The following UBE2E2 variants were observed in gnomAD, a reference collection of about 807,000 sequenced individuals.
UBE2E2 encodes ubiquitin-conjugating enzyme E2 E2.
Under a neutral mutation model 24.7 loss-of-function variants are expected in UBE2E2, and 6 were observed. That is an observed-to-expected ratio of 0.24 (90% CI 0.13 to 0.48). UBE2E2 has a LOEUF of 0.48. Ranked by LOEUF, UBE2E2 falls within the 20% of genes least tolerant of loss-of-function variation. The probability of loss-of-function intolerance (pLI) is 0.99; values close to 1 mark genes in which losing one functional copy is unlikely to be tolerated. For missense variants in UBE2E2, 169 were observed against 245.0 expected (o/e 0.69, Z 2.07); for synonymous variants, 104 against 83.6 (o/e 1.24, Z -1.33).
intron 3 of UBE2E2, among the ~76,000 whole-genome samples, chr3:23,489,558 A>G (rs910650001): frequency 6.6e-6 from 1 of 152,226 alleles, no homozygotes; most frequent in Non-Finnish European, 1.5e-5. Flanking sequence ...TACTGTTTCC[A>G]TGGTATAAGT....
intron 3 of UBE2E2, among the ~76,000 whole-genome samples, chr3:23,487,788 C>G (rs34171096): frequency 0.06 from 9,145 of 152,204 alleles, 447 homozygotes; most frequent in Non-Finnish European, 0.087. Context: ...GTAATAGATT[C>G]ATGTTTTACA....
intron 2 of UBE2E2, among the ~76,000 whole-genome samples, chr3:23,214,920 TA>T (rs1229326660): frequency 1.3e-5 from 2 of 152,120 alleles, no homozygotes; most frequent in Admixed American, 6.6e-5. Flanking sequence ...CAACTCTTAA[TA>T]ATACACTTAT....
intron 3 of UBE2E2, among the ~76,000 whole-genome samples, chr3:23,427,001 A>G (rs1205392394): frequency 6.6e-6 from 1 of 152,158 alleles, no homozygotes; most frequent in Non-Finnish European, 1.5e-5. Flanking sequence ...AATTAGTATT[A>G]TTTTGTTATT....
chr3:23,247,914 G>T (rs1697457141), intron 3 of UBE2E2, among the ~76,000 whole-genome samples: 2 of 152,154 alleles, frequency 1.3e-5, no homozygotes. Context: ...CAACTCTAAA[G>T]ACTGAGTTAT....
chr3:23,354,045 A>G (rs1695852691), intron 3 of UBE2E2, among the ~76,000 whole-genome samples: 1 of 152,232 alleles, frequency 6.6e-6, no homozygotes, highest in Admixed American at 6.5e-5. Context: ...AGAGATATAG[A>G]TCAGCGGAAC....
chr3:23,499,611 T>G lies in UBE2E2; in HGVS notation c.231T>G (p.Ala77=), dbSNP rs941476989. The change falls in exon 4 of 6, where the codon GCT becomes GCG. Residue 77 remains alanine, a synonymous_variant. Coordinates refer to ENST00000396703, the MANE Select transcript of UBE2E2 (RefSeq NM_152653.4). ...ITLDPPPNCS[A]GPKGDNIYEW... ...TCATTTGTATGTCTTATTTCAGTGC[T>G]GGACCCAAAGGAGACAACATTTATG... 3 of 1,611,812 alleles carry G rather than the reference T, an allele frequency of 1.9e-6. No individual in the cohort carries two copies. Among genetic ancestry groups the G allele is most frequent in the Admixed American group, 3.4e-5 (2 of 59,486 alleles).
intron 3 of UBE2E2, among the ~76,000 whole-genome samples, chr3:23,421,467 C>G (rs934645634): frequency 1.7e-4 from 26 of 152,336 alleles, no homozygotes; most frequent in African/African-American, 6.3e-4. Context: ...ATGGATAGAA[C>G]TGGATCTCAG....
At chr3:23,290,474 C>T (rs1020403815) in intron 3 of UBE2E2, among the ~76,000 whole-genome samples, 4 of 152,028 alleles carry the variant, frequency 2.6e-5, no homozygotes, top group African/African-American at 9.7e-5. Flanking sequence ...GTTTGAGGAC[C>T]TCTCTTTTTT....
At chr3:23,401,996 A>G (rs1232630229) in intron 3 of UBE2E2, among the ~76,000 whole-genome samples, 1 of 151,654 alleles carries the variant, frequency 6.6e-6, no homozygotes, top group Non-Finnish European at 1.5e-5. Flanking sequence ...AGCTGGGATT[A>G]CAGGCGTGCA....
intron 3 of UBE2E2, among the ~76,000 whole-genome samples, chr3:23,347,416 A>G (rs1695591477): frequency 6.6e-6 from 1 of 152,228 alleles, no homozygotes; most frequent in South Asian, 2.1e-4. Flanking sequence ...ACATGGATGA[A>G]GCTGGAAACC....
intron 3 of UBE2E2, among the ~76,000 whole-genome samples, chr3:23,466,059 T>C (rs1171429617): frequency 6.6e-6 from 1 of 152,162 alleles, no homozygotes; most frequent in African/African-American, 2.4e-5. Context: ...ATCCAAAATG[T>C]GGCACATTGT....
chr3:23,505,189 G>A (rs1694417959), intron 4 of UBE2E2, among the ~76,000 whole-genome samples: 1 of 151,192 alleles, frequency 6.6e-6, no homozygotes, highest in Admixed American at 6.6e-5. Flanking sequence ...CCAAAGTGCT[G>A]GAATTACAGG....
chr3:23,433,002 C>T (rs1173247856), intron 3 of UBE2E2, among the ~76,000 whole-genome samples: 2 of 151,838 alleles, frequency 1.3e-5, no homozygotes, highest in Non-Finnish European at 2.9e-5. Flanking sequence ...CTTATGATGC[C>T]ATTAACAGAA....
intron 3 of UBE2E2, among the ~76,000 whole-genome samples, chr3:23,487,715 C>G (rs1346980242): frequency 6.6e-6 from 1 of 152,198 alleles, no homozygotes; most frequent in African/African-American, 2.4e-5. Flanking sequence ...GTAAGTGGGA[C>G]TGCCAGGATT....
intron 3 of UBE2E2, among the ~76,000 whole-genome samples, chr3:23,378,801 G>C (rs1696586798): frequency 6.6e-6 from 1 of 152,014 alleles, no homozygotes; most frequent in South Asian, 2.1e-4. Flanking sequence ...TGAAGTTTTG[G>C]GGACTCTGAA....
At chr3:23,270,829 G>T (rs1264514632) in intron 3 of UBE2E2, 5 of 442,168 alleles carry the variant, frequency 1.1e-5, no homozygotes, top group Non-Finnish European at 2.3e-5. Context: ...TCTCTTAGGT[G>T]TGCAATTGTT....
At position 23,589,983 on chromosome 3, in the gene UBE2E2, TCCCAG is replaced by T; in HGVS notation, c.*153_*157del. ...TGATGGTATGTTGTCCATCTTCCCA[TCCCAG>T]TTCTTCCTGCCCCCCTTCCTCTCTC... On this transcript the variant is annotated 3_prime_UTR_variant, in exon 6 of 6. Transcript: ENST00000396703. This position sits in a 1 kb window ranked among gnomAD's most constrained non-coding sequence, Gnocchi z 4.1. 3.0e-5 allele frequency: 18 copies of T among 596,452 alleles called. No individual in the cohort carries two copies. Among genetic ancestry groups the T allele is most frequent in the South Asian group, 1.4e-4 (5 of 35,618 alleles). The allele number at this position is 596,452 out of a possible 1,614,324, so 36.9% of individuals were successfully genotyped here.
intron 5 of UBE2E2, among the ~76,000 whole-genome samples, chr3:23,552,457 G>A (rs932870239): frequency 2.0e-5 from 3 of 152,028 alleles, no homozygotes; most frequent in East Asian, 1.9e-4. Flanking sequence ...CATGATAAGC[G>A]CCTGTTTAAC....
At chr3:23,536,612 G>T (rs1028855694) in intron 5 of UBE2E2, among the ~76,000 whole-genome samples, 2 of 152,154 alleles carry the variant, frequency 1.3e-5, no homozygotes, top group Non-Finnish European at 1.5e-5. Context: ...AGAAATTTTT[G>T]AGCATGACAA....
Sources: allele counts gnomAD v4.1 joint callset (sites outside exome capture counted in the v4.1 genomes callset), GRCh38; gene constraint gnomAD v4.1.1; non-coding constraint Gnocchi (gnomAD v3.1); transcripts MANE v1.5; gene names NCBI Gene and HGNC (gene_info 2026-07-23, HGNC 2026-07-21).